Variants in CCDC15 observed in about 807,000 individuals in gnomAD.
The protein encoded by CCDC15 is coiled-coil domain-containing protein 15.
CCDC15 carries 105 observed loss-of-function variants against 114.5 expected under a neutral mutation model. The observed-to-expected ratio is 0.92, with a 90% CI of 0.78 to 1.08. The LOEUF (loss-of-function observed/expected upper bound fraction) is 1.08. CCDC15 is among the 50% of genes least tolerant of loss of function. CCDC15 has a pLI of 0.00. For synonymous variants in CCDC15, 334 were observed against 377.8 expected, an observed-to-expected ratio of 0.88 and a Z score of 1.34; for missense variants, 1,105 against 1,093.6, an observed-to-expected ratio of 1.01 and a Z score of -0.15.
At chr11:124,959,681 A>G in intron 3 of CCDC15, 134 bp from the exon 4 acceptor site, 1 of 624,190 alleles carries the variant, frequency 1.6e-6, no homozygotes, top group South Asian at 2.7e-5. Flanking sequence ...GGTAAATGTT[A>G]GTTTCTCTGC....
At chr11:125,024,798 A>G (rs1948684344) in intron 13 of CCDC15, among the ~76,000 whole-genome samples, 1 of 151,846 alleles carries the variant, frequency 6.6e-6, no homozygotes, top group African/African-American at 2.4e-5. Context: ...TGCACTGGCT[A>G]AGAATCTCCA....
intron 4 of CCDC15, among the ~76,000 whole-genome samples, chr11:124,961,543 G>A (rs906528296): frequency 5.9e-5 from 9 of 152,104 alleles, no homozygotes; most frequent in Admixed American, 2.6e-4. Context: ...TCTTAGAGAC[G>A]GAGTCTCACT....
At chr11:124,980,560 A>T (rs7943146) in intron 6 of CCDC15, among the ~76,000 whole-genome samples, 50,497 of 152,096 alleles carry the variant, frequency 0.33, 9,886 homozygotes, top group East Asian at 0.74. Flanking sequence ...GTGTGCATAG[A>T]GGTGTTCATC....
In CCDC15 at chr11:125,012,268, C is replaced by T. The variant is rs540661948; in HGVS notation, c.2411+7056C>T. ...TGAGGACTATGGGAAGAGATATGGT[C>T]AGAGACAGGCCAAAGTGGGACTATT... is the stretch of plus-strand genomic sequence containing the variant. On this transcript the variant is annotated intron_variant, in intron 13 of 15. Transcript: ENST00000344762. 4.7e-4 allele frequency among the ~76,000 whole-genome samples: 71 copies of T among 152,306 alleles called. 1 individual carries two copies. In the South Asian group the frequency reaches 0.014, roughly 29 times the overall value.
At chr11:124,996,032 G>T (rs1318023674) in intron 11 of CCDC15, among the ~76,000 whole-genome samples, 1 of 151,922 alleles carries the variant, frequency 6.6e-6, no homozygotes, top group Non-Finnish European at 1.5e-5. Context: ...GTTTCGTCAT[G>T]TTTGCCATGC....
rs899940685 is a variant in CCDC15 at position 124,954,396 on chromosome 11, G to C, written c.-10+26G>C. The stretch of plus-strand genomic sequence containing the variant: ...GTCCCCGCCCCTCCCTCTTTCTCCG[G>C]GTTGCAGCTGTCATTCCTCCCTTCC... On this transcript the variant is annotated intron_variant, in intron 1 of 15. Transcript: ENST00000344762. 51 of 202,276 alleles carry C rather than the reference G, an allele frequency of 2.5e-4. 1 individual carries two copies. Among genetic ancestry groups the C allele is most frequent in the Middle Eastern group, 4.5e-3 (2 of 448 alleles). The allele number at this position is 202,276 out of a possible 1,614,324, so 12.5% of individuals were successfully genotyped here. A position where few individuals can be genotyped will look rare whatever the true frequency, so the allele number is the denominator to read the frequency against.
intron 13 of CCDC15, among the ~76,000 whole-genome samples, chr11:125,025,069 T>TATATATATGAATAC (rs1555074469): frequency 8.4e-5 from 5 of 59,470 alleles, no homozygotes; most frequent in Non-Finnish European, 1.7e-4. Context: ...TATATATGAA[T>TATATATATGAATAC]ATATGAATAT....
chr11:124,977,510 GA>G lies in CCDC15; in HGVS notation c.664del (p.Ile222Ter). 1 of 1,602,054 alleles carries G rather than the reference GA, an allele frequency of 6.2e-7. No homozygotes were observed. The highest frequency in any genetic ancestry group is 1.3e-5 in the African/African-American group (1 of 74,492). The part of the protein sequence containing the change: ...VLSRKPASTG[I>X]NTGIRGELPI... ...TTTCCAGGAAACCAGCATCCACTGG[GA>G]TAAATACAGGAATAAGAGGAGAGTT... is the stretch of plus-strand genomic sequence containing the variant. On this transcript the variant is annotated frameshift_variant, in exon 6 of 16. Transcript: ENST00000344762. LOFTEE classifies it high-confidence loss of function.
At position 125,040,829 on chromosome 11, in the gene CCDC15, C is replaced by T. The variant is rs1317474183; in HGVS notation, c.*118C>T. 2.4e-6 allele frequency: 2 copies of T among 846,746 alleles called. No individual in the cohort carries two copies. Among genetic ancestry groups the T allele is most frequent in the Non-Finnish European group, 3.6e-6 (2 of 560,200 alleles). 52.5% of individuals were successfully genotyped at this position (846,746 alleles called of 1,614,324 possible). Reference sequence around the variant, plus strand: ...TATAATCTGGGAAGAAATACTGTCTCATATAATAATTAGATTGTAATCATT... The same window carrying T: ...TATAATCTGGGAAGAAATACTGTCTTATATAATAATTAGATTGTAATCATT... On this transcript the variant is annotated 3_prime_UTR_variant, in exon 16 of 16. Transcript: ENST00000344762.
intron 4 of CCDC15, among the ~76,000 whole-genome samples, chr11:124,971,253 A>G (rs1463444595): frequency 2.0e-5 from 3 of 152,336 alleles, no homozygotes; most frequent in African/African-American, 7.2e-5. Context: ...CAAAAAGGAC[A>G]TCCACACCAA....
chr11:124,968,622 G>A lies in CCDC15; in HGVS notation c.517-6474G>A, dbSNP rs188086797. Among the ~76,000 whole-genome samples, 852 of 152,190 alleles carry A rather than the reference G, an allele frequency of 5.6e-3. 4 individuals are homozygous for A. The highest frequency in any genetic ancestry group is 0.032 in the South Asian group (153 of 4,814). On this transcript the variant is annotated intron_variant, in intron 4 of 15. Coordinates refer to ENST00000344762, the MANE Select transcript of CCDC15 (RefSeq NM_025004.3). Reference sequence around the variant, plus strand: ...ACTGCTTGCACTTCCTGGGTGAGGCGATGCCCCACCCTGCTTCGGTTCACC... The same window carrying A: ...ACTGCTTGCACTTCCTGGGTGAGGCAATGCCCCACCCTGCTTCGGTTCACC...
At chr11:124,968,595 CG>C (rs1947825258) in intron 4 of CCDC15, among the ~76,000 whole-genome samples, 1 of 152,128 alleles carries the variant, frequency 6.6e-6, no homozygotes, top group Non-Finnish European at 1.5e-5. Flanking sequence ...GGAAATCCCC[CG>C]ACTGCTTGCA....
At chr11:125,020,983 A>G (rs1346327305) in intron 13 of CCDC15, among the ~76,000 whole-genome samples, 1 of 151,808 alleles carries the variant, frequency 6.6e-6, no homozygotes, top group African/African-American at 2.4e-5. Context: ...TGGCAGGTAG[A>G]TAAATAGGCT....
At chr11:125,029,054 G>A (rs1363111966) in intron 13 of CCDC15, among the ~76,000 whole-genome samples, 3 of 152,172 alleles carry the variant, frequency 2.0e-5, no homozygotes, top group South Asian at 4.2e-4. Flanking sequence ...TTCAGCACAC[G>A]AGAAAGATAT....
chr11:125,039,107 A>G, intron 15 of CCDC15, 38 bp downstream of exon 15: 1 of 1,525,394 alleles, frequency 6.6e-7, no homozygotes, highest in Non-Finnish European at 8.8e-7. Flanking sequence ...CCTAATGGCA[A>G]CAAGAAAAAT....
rs529415464 is a variant in CCDC15, at chr11:124,968,652, G to A, written c.517-6444G>A. Among the ~76,000 whole-genome samples, 14 of 152,194 alleles carry A rather than the reference G, an allele frequency of 9.2e-5. 1 individual carries two copies. Among genetic ancestry groups the A allele is most frequent in the African/African-American group, 2.6e-4 (11 of 41,532 alleles). On this transcript the variant is annotated intron_variant, in intron 4 of 15. Coordinates refer to ENST00000344762, the MANE Select transcript of CCDC15 (RefSeq NM_025004.3). ...CCCACCCTGCTTCGGTTCACCCTCC[G>A]TAGGCTGCACCCACTGTCCAGCCAG... is the stretch of plus-strand genomic sequence containing the variant.
At chr11:125,023,176 G>A (rs910556581) in intron 13 of CCDC15, among the ~76,000 whole-genome samples, 3 of 151,886 alleles carry the variant, frequency 2.0e-5, no homozygotes, top group Non-Finnish European at 2.9e-5. Flanking sequence ...TGAGTTAATT[G>A]TCACGTATGG....
chr11:124,957,328 C>A (rs895826799), intron 2 of CCDC15, among the ~76,000 whole-genome samples: 11 of 152,174 alleles, frequency 7.2e-5, no homozygotes, highest in Non-Finnish European at 1.6e-4. Context: ...TCCAAGATGG[C>A]TTTCTTATTC....
At chr11:124,986,486 AT>A (rs1240923205) in intron 6 of CCDC15, among the ~76,000 whole-genome samples, 1 of 152,100 alleles carries the variant, frequency 6.6e-6, no homozygotes, top group Non-Finnish European at 1.5e-5. Context: ...ATGTCTTTCC[AT>A]TTATTTTGAT....
Sources: gnomAD v4.1 joint callset for allele counts (sites outside exome capture counted in the v4.1 genomes callset) on GRCh38, gnomAD v4.1.1 for gene constraint, MANE v1.5 for transcripts, NCBI Gene and HGNC (gene_info 2026-07-23, HGNC 2026-07-21) for gene names.